Variants in MYO3B observed in about 807,000 individuals in gnomAD.
The protein encoded by MYO3B is myosin-IIIb.
Under a neutral mutation model 174.6 loss-of-function variants are expected in MYO3B, and 156 were observed. The observed-to-expected ratio is 0.89, with a 90% CI of 0.78 to 1.02. MYO3B has a LOEUF of 1.02. MYO3B is among the 50% of genes least tolerant of loss of function. MYO3B has a pLI of 0.00. For synonymous variants in MYO3B, 563 were observed against 569.1 expected, an observed-to-expected ratio of 0.99 and a Z score of 0.15; for missense variants, 1,632 against 1,639.4, an observed-to-expected ratio of 1.00 and a Z score of 0.08.
At chr2:170,244,986 T>C (rs1251992648) in intron 7 of MYO3B, among the ~76,000 whole-genome samples, 1 of 152,172 alleles carries the variant, frequency 6.6e-6, no homozygotes, top group Non-Finnish European at 1.5e-5. Flanking sequence ...ATGAACACAC[T>C]GGCTGGGGTA....
At chr2:170,386,491 G>C (rs996764293) in intron 13 of MYO3B, among the ~76,000 whole-genome samples, 5 of 152,038 alleles carry the variant, frequency 3.3e-5, no homozygotes, top group Admixed American at 2.6e-4. Context: ...AAATTTACTA[G>C]ATTATCGGCA....
At chr2:170,197,607 T>C (rs1226986940) in intron 1 of MYO3B, among the ~76,000 whole-genome samples, 6 of 152,210 alleles carry the variant, frequency 3.9e-5, no homozygotes, top group Admixed American at 1.3e-4. Context: ...GTGTTGTTCA[T>C]TCATTCAGTT....
intron 32 of MYO3B, among the ~76,000 whole-genome samples, chr2:170,595,333 G>A (rs564803077): frequency 1.2e-4 from 18 of 152,180 alleles, no homozygotes; most frequent in Non-Finnish European, 2.2e-4. Flanking sequence ...TGCAGCCTTA[G>A]ATGAGGAAGA....
intron 17 of MYO3B, among the ~76,000 whole-genome samples, chr2:170,401,183 T>C (rs1353926500): frequency 3.9e-5 from 6 of 152,230 alleles, no homozygotes; most frequent in Non-Finnish European, 8.8e-5. Flanking sequence ...TATATGAATG[T>C]ATTTTGTGAC....
At chr2:170,495,719 A>G (rs540862310) in intron 25 of MYO3B, among the ~76,000 whole-genome samples, 1 of 152,334 alleles carries the variant, frequency 6.6e-6, no homozygotes, top group South Asian at 2.1e-4. Flanking sequence ...ATCACCAGTA[A>G]CACTGAGCAT....
At chr2:170,373,551 T>G (rs2094263992) in intron 9 of MYO3B, among the ~76,000 whole-genome samples, 1 of 152,066 alleles carries the variant, frequency 6.6e-6, no homozygotes, top group Non-Finnish European at 1.5e-5. Flanking sequence ...AAGTTGGTAG[T>G]TTGAGCAGGA....
rs74623732 is a variant in MYO3B, at chr2:170,468,144, T to A, written c.3014+1433T>A. On this transcript the variant is annotated intron_variant, in intron 25 of 34. Coordinates refer to ENST00000408978, the MANE Select transcript of MYO3B (RefSeq NM_138995.5). ...ATCAAAGATTTCTGAGCCAGCAAGT[T>A]AATTGGTATTTTGATCCTTTTGAAC... Among the ~76,000 whole-genome samples, 162 of 152,336 alleles carry A rather than the reference T, an allele frequency of 1.1e-3. 1 individual carries two copies. The East Asian group carries it at 0.031, about 29-fold the overall frequency.
At chr2:170,225,719 C>G (rs985850525) in intron 6 of MYO3B, among the ~76,000 whole-genome samples, 15 of 152,088 alleles carry the variant, frequency 9.9e-5, no homozygotes, top group Admixed American at 7.2e-4. Flanking sequence ...ATACCTGCTA[C>G]CCATATAACC....
At chr2:170,248,146 T>A (rs1286173727) in intron 7 of MYO3B, among the ~76,000 whole-genome samples, 3 of 152,166 alleles carry the variant, frequency 2.0e-5, no homozygotes, top group Non-Finnish European at 4.4e-5. Flanking sequence ...GCAAGACCCC[T>A]CCTGGCTGCC....
intron 6 of MYO3B, among the ~76,000 whole-genome samples, chr2:170,219,221 C>T (rs1486199709): frequency 6.6e-6 from 1 of 152,230 alleles, no homozygotes; most frequent in African/African-American, 2.4e-5. Flanking sequence ...TAGACCCTCC[C>T]TTAATACAGT....
chr2:170,542,571 GC>G (rs1192722752), intron 30 of MYO3B, among the ~76,000 whole-genome samples: 1 of 152,214 alleles, frequency 6.6e-6, no homozygotes, highest in Non-Finnish European at 1.5e-5. Context: ...AGGAAGTGTA[GC>G]CTTAGCATCC....
rs1687109079 is a variant in MYO3B at position 170,499,742 on chromosome 2, C to T, written c.3223C>T (p.Leu1075Phe). The T allele has an allele frequency of 6.2e-7, 1 of 1,613,926 alleles. No homozygotes were observed. The change falls in exon 27 of 35, where the codon CTT becomes TTT. Residue 1075 changes from leucine to phenylalanine, a missense_variant. By Grantham distance (22) the Leu-to-Phe change is conservative. Transcript: ENST00000408978. ...GCTGCAGGCATATACCAAGGGGTGG[C>T]TTGGAGCCAGGAGATACAAAAGGGT... ...VVLQAYTKGWLGARRYKRVRE... is the reference protein window; with the variant it reads ...VVLQAYTKGWFGARRYKRVRE...
chr2:170,526,362 T>A (rs1204799699), intron 30 of MYO3B, among the ~76,000 whole-genome samples: 2 of 152,196 alleles, frequency 1.3e-5, no homozygotes, highest in Non-Finnish European at 2.9e-5. Flanking sequence ...GTAATATTAG[T>A]ATGGAAAAGT....
intron 32 of MYO3B, among the ~76,000 whole-genome samples, chr2:170,558,496 T>G (rs1192389273): frequency 1.3e-5 from 2 of 152,160 alleles, no homozygotes; most frequent in African/African-American, 4.8e-5. Flanking sequence ...CTCTAAATAT[T>G]ATAGCTTAAT....
chr2:170,653,424 A>G lies in MYO3B; in HGVS notation c.*303A>G. Reference sequence around the variant, plus strand: ...TCATTCATGCCCCCAGTGTCTAGGAAGATAACAGCCAGTCTCACCCCAGTC... The same window carrying G: ...TCATTCATGCCCCCAGTGTCTAGGAGGATAACAGCCAGTCTCACCCCAGTC... On this transcript the variant is annotated 3_prime_UTR_variant, in exon 35 of 35. Transcript: ENST00000408978. 3.0e-6 allele frequency: 1 copy of G among 334,446 alleles called. No homozygotes were observed. The highest frequency in any genetic ancestry group is 5.5e-6 in the Non-Finnish European group (1 of 182,292). 20.7% of individuals were successfully genotyped at this position (334,446 alleles called of 1,614,324 possible).
chr2:170,639,039 C>T (rs939469359), intron 32 of MYO3B, among the ~76,000 whole-genome samples: 1 of 152,168 alleles, frequency 6.6e-6, no homozygotes, highest in Non-Finnish European at 1.5e-5. Flanking sequence ...GCCCCAGGGT[C>T]CCCTGCTGCA....
intron 32 of MYO3B, among the ~76,000 whole-genome samples, chr2:170,613,895 C>G (rs1471396126): frequency 6.6e-6 from 1 of 152,132 alleles, no homozygotes; most frequent in East Asian, 1.9e-4. Context: ...GCTCCTCAGC[C>G]TGTAGATGGC....
chr2:170,363,258 C>G (rs1357949927), intron 8 of MYO3B, among the ~76,000 whole-genome samples: 7 of 151,760 alleles, frequency 4.6e-5, no homozygotes, highest in Non-Finnish European at 7.4e-5. Context: ...CTAGTTTTGC[C>G]CCAATGTATG....
intron 25 of MYO3B, among the ~76,000 whole-genome samples, chr2:170,498,361 A>G (rs1251080538): frequency 1.3e-5 from 2 of 152,248 alleles, no homozygotes; most frequent in African/African-American, 4.8e-5. Context: ...AATATGAATT[A>G]CAAAGCAACA....
Sources: allele counts gnomAD v4.1 joint callset (sites outside exome capture counted in the v4.1 genomes callset), GRCh38; gene constraint gnomAD v4.1.1; transcripts MANE v1.5; gene names NCBI Gene and HGNC (gene_info 2026-07-23, HGNC 2026-07-21).